C7orf78: variants seen among roughly 807,000 people sequenced by gnomAD.
C7orf78 encodes the protein putative uncharacterized protein C7orf78.
the C7orf78 span, among the ~76,000 whole-genome samples, chr7:12,495,329 T>C: frequency 1.3e-5 from 2 of 152,254 alleles, no homozygotes; most frequent in African/African-American, 4.8e-5. Context: ...AATTCAGGCA[T>C]GTCTAATCTC....
At chr7:12,494,601 T>A in the C7orf78 span, among the ~76,000 whole-genome samples, 4 of 144,142 alleles carry the variant, frequency 2.8e-5, no homozygotes, top group African/African-American at 1.1e-4. Context: ...TAGGTGTATT[T>A]TACTCATGCA....
chr7:12,502,189 A>G, the C7orf78 span, among the ~76,000 whole-genome samples: 11 of 95,454 alleles, frequency 1.2e-4, no homozygotes, highest in Non-Finnish European at 2.0e-4. Flanking sequence ...CTTCATGTCT[A>G]AAACACCAAA....
At chr7:12,486,872 A>G in the C7orf78 span, 1 of 151,152 alleles carries the variant, frequency 6.6e-6, no homozygotes, top group Non-Finnish European at 1.5e-5. Context: ...ATATTACAGC[A>G]AATAAACTGA....
chr7:12,511,918 A>ATTT, the C7orf78 span, among the ~76,000 whole-genome samples: 36 of 80,552 alleles, frequency 4.5e-4, 1 homozygote, highest in African/African-American at 1.8e-3. Context: ...CACCTGGCTA[A>ATTT]TTTTTTTTTT....
chr7:12,494,752 T>G, the C7orf78 span, among the ~76,000 whole-genome samples: 1 of 152,204 alleles, frequency 6.6e-6, no homozygotes, highest in Non-Finnish European at 1.5e-5. Flanking sequence ...AAAATGACAT[T>G]GAGAGCTCAC....
the C7orf78 span, among the ~76,000 whole-genome samples, chr7:12,519,107 T>C: frequency 6.6e-6 from 1 of 152,030 alleles, no homozygotes; most frequent in Non-Finnish European, 1.5e-5. Flanking sequence ...TCCCACCCTC[T>C]ATTGGTAGCC....
chr7:12,536,827 C>T, the C7orf78 span, among the ~76,000 whole-genome samples: 1 of 152,178 alleles, frequency 6.6e-6, no homozygotes, highest in South Asian at 2.1e-4. Flanking sequence ...TGCTGCCAGT[C>T]TCTTGGCTAA....
the C7orf78 span, chr7:12,523,419 T>C: frequency 2.5e-6 from 1 of 398,050 alleles, no homozygotes; most frequent in African/African-American, 2.1e-5. Context: ...CCACATGACT[T>C]TCGACAGGTA....
chr7:12,501,176 A>G, the C7orf78 span, among the ~76,000 whole-genome samples: 9 of 134,430 alleles, frequency 6.7e-5, no homozygotes, highest in African/African-American at 2.6e-4. Context: ...GGCACAAGAC[A>G]GGGATGTCCT....
At chr7:12,514,356 A>G in the C7orf78 span, among the ~76,000 whole-genome samples, 1 of 152,060 alleles carries the variant, frequency 6.6e-6, no homozygotes, top group Non-Finnish European at 1.5e-5. Context: ...TTTATCTGAT[A>G]TAAGTACAGC....
the C7orf78 span, among the ~76,000 whole-genome samples, chr7:12,484,421 G>C: frequency 6.6e-6 from 1 of 152,104 alleles, no homozygotes; most frequent in Non-Finnish European, 1.5e-5. Context: ...ATCTTGACTA[G>C]TTTTCTATCT....
At chr7:12,502,844 G>C in the C7orf78 span, among the ~76,000 whole-genome samples, 14,067 of 106,312 alleles carry the variant, frequency 0.13, 1,086 homozygotes, top group African/African-American at 0.21. Flanking sequence ...AAATGTCCAA[G>C]AATGATAGAC....
the C7orf78 span, among the ~76,000 whole-genome samples, chr7:12,532,342 G>A: frequency 1.3e-5 from 2 of 152,154 alleles, no homozygotes; most frequent in Non-Finnish European, 2.9e-5. Flanking sequence ...GAGGTCTGGA[G>A]TTCGAGACCA....
chr7:12,495,603 T>C, the C7orf78 span, among the ~76,000 whole-genome samples: 3 of 152,358 alleles, frequency 2.0e-5, no homozygotes, highest in East Asian at 1.9e-4. Flanking sequence ...AGCTACATTA[T>C]GGCATTAGTT....
the C7orf78 span, chr7:12,491,797 G>A: frequency 6.6e-6 from 1 of 152,240 alleles, no homozygotes; most frequent in East Asian, 1.9e-4. Context: ...TAAAAACAGT[G>A]ATAACATTCT....
At chr7:12,513,811 T>C in the C7orf78 span, among the ~76,000 whole-genome samples, 1 of 151,478 alleles carries the variant, frequency 6.6e-6, no homozygotes, top group African/African-American at 2.4e-5. Context: ...CCATCCTGGC[T>C]TACACGGTGA....
the C7orf78 span, among the ~76,000 whole-genome samples, chr7:12,489,875 C>A: frequency 1.3e-5 from 2 of 152,018 alleles, no homozygotes; most frequent in African/African-American, 4.8e-5. Flanking sequence ...CAGGTGGCAT[C>A]GACATTTGCT....
chr7:12,505,713 A>G, the C7orf78 span, among the ~76,000 whole-genome samples: 9 of 152,112 alleles, frequency 5.9e-5, no homozygotes, highest in Middle Eastern at 6.8e-3. Flanking sequence ...TCAGTCATAT[A>G]TTTCATAGCT....
At chr7:12,533,855 C>A in the C7orf78 span, among the ~76,000 whole-genome samples, 1 of 152,136 alleles carries the variant, frequency 6.6e-6, no homozygotes, top group Non-Finnish European at 1.5e-5. Context: ...TACAGAAAAT[C>A]ATAGATTATT....
Sources: allele counts gnomAD v4.1 joint callset (sites outside exome capture counted in the v4.1 genomes callset), GRCh38; gene constraint gnomAD v4.1.1; transcripts MANE v1.5; gene names NCBI Gene and HGNC (gene_info 2026-07-23, HGNC 2026-07-21).